The following MMP15 variants were observed in gnomAD, a reference collection of about 807,000 sequenced individuals.
The protein encoded by MMP15 is matrix metalloproteinase-15.
In MMP15, 36 loss-of-function variants were observed where a neutral mutation model predicts 65.0. The ratio of observed to expected loss-of-function variants is 0.55; its 90% CI spans 0.42 to 0.73. The LOEUF is 0.73. Ranked by LOEUF, MMP15 falls within the 30% of genes least tolerant of loss-of-function variation. The pLI is 0.00. For synonymous variants in MMP15, 428 were observed against 410.2 expected (o/e 1.04, Z -0.52); for missense variants, 870 against 987.8 (o/e 0.88, Z 1.60).
intron 1 of MMP15, among the ~76,000 whole-genome samples, chr16:58,031,410 A>G (rs907168427): frequency 1.4e-5 from 2 of 147,234 alleles, no homozygotes; most frequent in African/African-American, 2.5e-5. Context: ...CCTTGCCCCC[A>G]TCTGTCCAGC....
chr16:58,045,106 T>C lies in MMP15; in HGVS notation c.1670T>C (p.Met557Thr), dbSNP rs1475474738. ...GYPKSILRDF[M>T]GCQEHVEPGP... ...CCCAAGTCCATCCTGCGGGACTTCA[T>C]GGGCTGCCAGGAGCACGTGGAGCCA... Residue 557 changes from methionine to threonine, a missense_variant, in exon 10 of 10, where the codon ATG (methionine) becomes ACG (threonine). Transcript: ENST00000219271. 6.2e-7 allele frequency: 1 copy of C among 1,610,730 alleles called. No individual in the cohort carries two copies. The highest frequency in any genetic ancestry group is 8.5e-7 in the Non-Finnish European group (1 of 1,178,690).
At chr16:58,044,175 G>A (rs914430969) in intron 9 of MMP15, among the ~76,000 whole-genome samples, 2 of 152,240 alleles carry the variant, frequency 1.3e-5, no homozygotes, top group Non-Finnish European at 2.9e-5. Flanking sequence ...GCCAGGTGTA[G>A]TGGCTCACGC....
At chr16:58,040,251 A>G in intron 4 of MMP15, 69 bp downstream of exon 4, 7 of 1,498,604 alleles carry the variant, frequency 4.7e-6, no homozygotes, top group Non-Finnish European at 6.3e-6. Context: ...CACCCTGCTG[A>G]GTGGGTTCAG....
rs191263866 is a variant in MMP15, at chr16:58,040,506, G to C, written c.749-31G>C. On this transcript the variant is annotated intron_variant, in intron 4 of 9. Coordinates refer to ENST00000219271, the MANE Select transcript of MMP15 (RefSeq NM_002428.4). ...TTGGGTCCTGGGACTGGCCACAGCT[G>C]ACTGTGCTGCCCTCCTTCTCTCCCC... 3.7e-6 allele frequency: 6 copies of C among 1,605,556 alleles called. No individual in the cohort carries two copies. In the East Asian group the frequency reaches 1.3e-4, roughly 36 times the overall value.
intron 7 of MMP15, 62 bp from the exon 8 acceptor site, chr16:58,043,148 T>C: frequency 6.9e-7 from 1 of 1,450,188 alleles, no homozygotes. Context: ...AGAGCATTCT[T>C]TTCCCGCACA....
chr16:58,038,427 C>T, intron 3 of MMP15, 33 bp downstream of exon 3: 1 of 1,611,662 alleles, frequency 6.2e-7, no homozygotes, highest in Non-Finnish European at 8.5e-7. Flanking sequence ...GAAGCATCTG[C>T]CCCTCGGCAG....
chr16:58,041,432 CGAGGAGGGGCTAGAAG>C (rs546191062), intron 5 of MMP15, among the ~76,000 whole-genome samples, 169 bp from the exon 6 acceptor site: 312 of 152,120 alleles, frequency 2.1e-3, no homozygotes, highest in Non-Finnish European at 3.6e-3. Context: ...GTGGGGAGAT[CGAGGAGGGGCTAGAAG>C]GAGGAGGACC....
At position 58,045,838 on chromosome 16, in the gene MMP15, T is replaced by C. The variant is rs1959554649; in HGVS notation, c.*392T>C. On this transcript the variant is annotated 3_prime_UTR_variant, in exon 10 of 10. Coordinates refer to ENST00000219271, the MANE Select transcript of MMP15 (RefSeq NM_002428.4). The stretch of plus-strand genomic sequence containing the variant: ...TCTCTTTGCCCAGTTGGAGACTGTC[T>C]GGCCCCCCTGGTCCCCTCCTTCCCA... 1 of 198,702 alleles carries C rather than the reference T, an allele frequency of 5.0e-6. No individual in the cohort carries two copies. Among genetic ancestry groups the C allele is most frequent in the East Asian group, 1.4e-4 (1 of 6,978 alleles). 12.3% of individuals were successfully genotyped at this position (198,702 alleles called of 1,614,324 possible).
At chr16:58,028,853 G>A (rs535694853) in intron 1 of MMP15, among the ~76,000 whole-genome samples, 2 of 152,352 alleles carry the variant, frequency 1.3e-5, no homozygotes, top group South Asian at 4.1e-4. Flanking sequence ...CCACTGAGCT[G>A]CCACGTCCTA....
chr16:58,041,344 G>C (rs1959447269), intron 5 of MMP15, among the ~76,000 whole-genome samples: 1 of 152,324 alleles, frequency 6.6e-6, no homozygotes, highest in African/African-American at 2.4e-5. Flanking sequence ...TGCTGGAGCA[G>C]GCTGGCATCC....
intron 4 of MMP15, 139 bp from the exon 5 acceptor site, chr16:58,040,398 G>A (rs1959427830): frequency 8.5e-6 from 10 of 1,173,536 alleles, no homozygotes; most frequent in South Asian, 4.7e-5. Flanking sequence ...TGGGGTTGTT[G>A]TAGGCCGAAA....
chr16:58,041,305 A>G (rs1959446342), intron 5 of MMP15, among the ~76,000 whole-genome samples: 1 of 151,974 alleles, frequency 6.6e-6, no homozygotes, highest in Admixed American at 6.5e-5. Context: ...GCAGAGTCCA[A>G]AACGCCTGAA....
At chr16:58,043,982 C>T (rs1959504344) in intron 9 of MMP15, among the ~76,000 whole-genome samples, 1 of 152,134 alleles carries the variant, frequency 6.6e-6, no homozygotes, top group African/African-American at 2.4e-5. Flanking sequence ...CCAGGCAATC[C>T]CAGGGGAGCC....
chr16:58,032,299 C>T (rs527679981), intron 1 of MMP15, among the ~76,000 whole-genome samples: 2 of 152,310 alleles, frequency 1.3e-5, no homozygotes, highest in South Asian at 2.1e-4. Flanking sequence ...TTATCCTAGC[C>T]GTCTTCCGTT....
chr16:58,045,121 A>G lies in MMP15; in HGVS notation c.1685A>G (p.His562Arg), dbSNP rs1959529791. 1 of 1,607,374 alleles carries G rather than the reference A, an allele frequency of 6.2e-7. No homozygotes were observed. Among genetic ancestry groups the G allele is most frequent in the East Asian group, 2.2e-5 (1 of 44,556 alleles). ...ILRDFMGCQE[H>R]VEPGPRWPDV... ...CGGGACTTCATGGGCTGCCAGGAGC[A>G]CGTGGAGCCAGGCCCCCGATGGCCC... is the stretch of plus-strand genomic sequence containing the variant. The change falls in exon 10 of 10, where the codon CAC (histidine) becomes CGC (arginine). Residue 562 changes from histidine to arginine, a missense_variant. Physicochemically the swap from His to Arg is conservative, Grantham distance 29. Coordinates refer to ENST00000219271, the MANE Select transcript of MMP15 (RefSeq NM_002428.4).
At chr16:58,027,069 A>G (rs1963831198) in intron 1 of MMP15, among the ~76,000 whole-genome samples, 1 of 152,232 alleles carries the variant, frequency 6.6e-6, no homozygotes, top group African/African-American at 2.4e-5. Context: ...CGGCTGAGGC[A>G]GCGGACTCGG....
chr16:58,030,974 A>G (rs552593478), intron 1 of MMP15, among the ~76,000 whole-genome samples: 11 of 152,260 alleles, frequency 7.2e-5, no homozygotes, highest in African/African-American at 2.6e-4. Flanking sequence ...AGGGGGCCTA[A>G]GGAGGCGCAG....
chr16:58,026,033 A>C lies in MMP15; in HGVS notation c.-318A>C. On this transcript the variant is annotated 5_prime_UTR_variant, in exon 1 of 10. Transcript: ENST00000219271. ...GACCGGGCGGCCGGAGCGCTGAGCC[A>C]GACAAAGGCTCCGGAGTTGCGCTTG... 1 of 185,988 alleles carries C rather than the reference A, an allele frequency of 5.4e-6. No homozygotes were observed. The highest frequency in any genetic ancestry group is 6.3e-5 in the Admixed American group (1 of 15,970). The allele number at this position is 185,988 out of a possible 1,614,324, so 11.5% of individuals were successfully genotyped here.
intron 1 of MMP15, among the ~76,000 whole-genome samples, chr16:58,036,751 T>C (rs1386876555): frequency 1.3e-5 from 2 of 152,188 alleles, no homozygotes; most frequent in East Asian, 1.9e-4. Context: ...TTTAAGGTCT[T>C]TGGGGAGCAG....
Sources: gnomAD v4.1 joint callset for allele counts (sites outside exome capture counted in the v4.1 genomes callset) on GRCh38, gnomAD v4.1.1 for gene constraint, MANE v1.5 for transcripts, NCBI Gene and HGNC (gene_info 2026-07-23, HGNC 2026-07-21) for gene names.